The following PCDHA2 variants were observed in gnomAD, a reference collection of about 807,000 sequenced individuals.
The protein encoded by PCDHA2 is protocadherin alpha-2.
In PCDHA2, 58 loss-of-function variants were observed where a neutral mutation model predicts 66.0. The ratio of observed to expected loss-of-function variants is 0.88; its 90% CI spans 0.71 to 1.09. The LOEUF (loss-of-function observed/expected upper bound fraction) is 1.09. Ranked by LOEUF, PCDHA2 falls within the 50% of genes least tolerant of loss-of-function variation. PCDHA2 has a pLI of 0.00. For missense variants in PCDHA2, 1,267 were observed against 1,242.3 expected, an observed-to-expected ratio of 1.02 and a Z score of -0.30; for synonymous variants, 634 against 554.0, an observed-to-expected ratio of 1.14 and a Z score of -2.03.
At chr5:140,873,963 T>G (rs1048862313) in intron 1 of PCDHA2, among the ~76,000 whole-genome samples, 2 of 152,206 alleles carry the variant, frequency 1.3e-5, no homozygotes, top group East Asian at 3.8e-4. Flanking sequence ...GCCCAGCCTA[T>G]TTTTTAAAAT....
intron 1 of PCDHA2, among the ~76,000 whole-genome samples, chr5:140,885,454 C>T (rs2060601415): frequency 6.6e-6 from 1 of 152,054 alleles, no homozygotes; most frequent in Admixed American, 6.5e-5. Flanking sequence ...TATTATTTAC[C>T]TAATGATGGG....
At chr5:140,991,481 A>G (rs1272675537) in intron 3 of PCDHA2, among the ~76,000 whole-genome samples, 3 of 152,226 alleles carry the variant, frequency 2.0e-5, no homozygotes, top group Non-Finnish European at 2.9e-5. Flanking sequence ...TCTGGAAGTC[A>G]GAAGTCCACA....
chr5:140,927,974 T>C (rs1554205324), intron 1 of PCDHA2: 3 of 1,614,098 alleles, frequency 1.9e-6, no homozygotes, highest in Non-Finnish European at 2.5e-6. Context: ...GTGATTGCTC[T>C]CTTTAGTGTA....
rs369107883 is a variant in PCDHA2 at position 140,795,040 on chromosome 5, G to T, written c.76G>T (p.Val26Leu). The change falls in exon 1 of 4, where the codon GTG becomes TTG. Residue 26 changes from valine (V) to leucine (L), a missense_variant. Coordinates refer to ENST00000526136, the MANE Select transcript of PCDHA2 (RefSeq NM_018905.3). ...LSLLLLAAWE[V>L]GSGQLRYSVP... is the part of the protein sequence containing the mutation. ...GCTTCTGCTCCTCGCAGCCTGGGAG[G>T]TGGGGAGCGGCCAGCTCCGCTACTC... is the stretch of plus-strand genomic sequence containing the variant. 1 of 1,613,876 alleles carries T rather than the reference G, an allele frequency of 6.2e-7. No individual in the cohort carries two copies. Among genetic ancestry groups the T allele is most frequent in the East Asian group, 2.2e-5 (1 of 44,878 alleles).
intron 1 of PCDHA2, chr5:140,801,128 T>C: frequency 1.3e-6 from 2 of 1,521,074 alleles, no homozygotes; most frequent in Non-Finnish European, 1.8e-6. Context: ...GAAATGAAGA[T>C]AAGGAACTCG....
At chr5:140,946,871 A>G (rs952595827) in intron 1 of PCDHA2, among the ~76,000 whole-genome samples, 8 of 151,442 alleles carry the variant, frequency 5.3e-5, no homozygotes, top group Non-Finnish European at 8.9e-5. Flanking sequence ...AGGTTGGTCA[A>G]TGGGTACGAA....
chr5:141,008,800 A>G (rs949324548), intron 3 of PCDHA2, among the ~76,000 whole-genome samples: 8 of 152,222 alleles, frequency 5.3e-5, no homozygotes, highest in Non-Finnish European at 1.2e-4. Flanking sequence ...TTATCTAAAC[A>G]AATAGGCTCA....
chr5:140,847,831 C>T (rs2150404458), intron 1 of PCDHA2: 1 of 149,692 alleles, frequency 6.7e-6, no homozygotes, highest in East Asian at 1.9e-4. Flanking sequence ...AAGAAAACTA[C>T]CTCAGTTGGT....
At chr5:140,802,992 G>A (rs782219037) in intron 1 of PCDHA2, 21 of 1,614,010 alleles carry the variant, frequency 1.3e-5, no homozygotes, top group Non-Finnish European at 1.5e-5. Flanking sequence ...CGCAGTGGAT[G>A]CAGACTCAGG....
At chr5:140,930,785 A>G (rs1485024316) in intron 1 of PCDHA2, among the ~76,000 whole-genome samples, 1 of 152,248 alleles carries the variant, frequency 6.6e-6, no homozygotes, top group Admixed American at 6.5e-5. Context: ...TTTTCACAAT[A>G]TAATAGAATC....
chr5:140,836,346 G>A, intron 1 of PCDHA2: 2 of 1,613,696 alleles, frequency 1.2e-6, no homozygotes, highest in Admixed American at 1.7e-5. Context: ...GAAGGACCAC[G>A]GGGAGCCCTC....
intron 2 of PCDHA2, 72 bp downstream of exon 2, chr5:140,979,079 T>C (rs1019875909): frequency 9.5e-6 from 15 of 1,584,162 alleles, no homozygotes; most frequent in African/African-American, 6.8e-5. Flanking sequence ...TGCATCTCCA[T>C]AGGCCAGAAG....
At chr5:140,803,088 A>G in intron 1 of PCDHA2, 1 of 1,613,866 alleles carries the variant, frequency 6.2e-7, no homozygotes, top group African/African-American at 1.3e-5. Flanking sequence ...CACGGGAGAG[A>G]TCAGCACGAC....
intron 1 of PCDHA2, chr5:140,850,108 G>T: frequency 6.3e-7 from 1 of 1,596,108 alleles, no homozygotes; most frequent in Non-Finnish European, 8.6e-7. Context: ...GTGAGCGCGC[G>T]CGACGCGGGC....
At chr5:140,877,388 A>G (rs1186041410) in intron 1 of PCDHA2, 14 of 1,613,802 alleles carry the variant, frequency 8.7e-6, no homozygotes, top group Non-Finnish European at 1.2e-5. Flanking sequence ...ATCCTGGATG[A>G]GGCGGACGCT....
At chr5:140,933,773 A>G (rs2089413998) in intron 1 of PCDHA2, among the ~76,000 whole-genome samples, 1 of 152,040 alleles carries the variant, frequency 6.6e-6, no homozygotes, top group South Asian at 2.1e-4. Context: ...CTGTACCTAC[A>G]GTTTTCTTTG....
intron 1 of PCDHA2, among the ~76,000 whole-genome samples, chr5:140,920,334 T>A (rs2079581280): frequency 6.6e-6 from 1 of 152,212 alleles, no homozygotes; most frequent in South Asian, 2.1e-4. Context: ...TTATGGCATT[T>A]CTTATTTGTC....
intron 1 of PCDHA2, among the ~76,000 whole-genome samples, chr5:140,962,354 A>G (rs80298031): frequency 0.023 from 3,560 of 152,266 alleles, 46 homozygotes; most frequent in Middle Eastern, 0.034. Context: ...ACTCCCCCCA[A>G]TACTGGCTAG....
intron 1 of PCDHA2, chr5:140,875,502 A>G (rs201298546): frequency 1.7e-5 from 28 of 1,613,494 alleles, no homozygotes; most frequent in Non-Finnish European, 2.3e-5. Context: ...GAGGCCCGGG[A>G]TCCCAGCGTC....
Sources: gnomAD v4.1 joint callset for allele counts (sites outside exome capture counted in the v4.1 genomes callset) on GRCh38, gnomAD v4.1.1 for gene constraint, MANE v1.5 for transcripts, NCBI Gene and HGNC (gene_info 2026-07-23, HGNC 2026-07-21) for gene names.